The following DGKB variants were observed in gnomAD, a reference collection of about 807,000 sequenced individuals.
The protein encoded by DGKB is diacylglycerol kinase beta, also known as 90 kDa diacylglycerol kinase.
In DGKB, 67 loss-of-function variants were observed where a neutral mutation model predicts 114.3. The observed-to-expected ratio is 0.59, with a 90% CI of 0.48 to 0.72. The LOEUF is 0.72. Ranked by LOEUF, DGKB falls within the 30% of genes least tolerant of loss-of-function variation. The pLI, the probability that DGKB is intolerant of heterozygous loss-of-function variation, is 0.00. For synonymous variants in DGKB, 398 were observed against 323.1 expected (o/e 1.23, Z -2.49); for missense variants, 907 against 975.2 (o/e 0.93, Z 0.93).
Position 14,635,665 on chromosome 7 carries a change from A to G in DGKB, c.1135-5397T>C, listed in dbSNP as rs114539192. Among the ~76,000 whole-genome samples the G allele has an allele frequency of 3.6e-3, 541 of 151,786 alleles. 3 individuals carry two copies. The highest frequency in any genetic ancestry group is 0.012 in the African/African-American group (499 of 41,524). The stretch of plus-strand genomic sequence containing the variant: ...CTTAATTTACATATAATTCATTAAT[A>G]GATACCTATTTATGAATGTGTATAT... On this transcript the variant is annotated intron_variant, in intron 13 of 25. Transcript: ENST00000402815.
At chr7:14,237,609 A>AT (rs1792999273) in intron 23 of DGKB, among the ~76,000 whole-genome samples, 1 of 151,996 alleles carries the variant, frequency 6.6e-6, no homozygotes, top group Non-Finnish European at 1.5e-5. Flanking sequence ...ATTTTCATTC[A>AT]TATATAATTC....
intron 1 of DGKB, among the ~76,000 whole-genome samples, chr7:14,922,297 AC>A (rs1784542015): frequency 6.6e-6 from 1 of 151,914 alleles, no homozygotes; most frequent in African/African-American, 2.4e-5. Flanking sequence ...GGTGCCATGT[AC>A]GTCTATACTC....
At chr7:14,606,902 AT>A (rs1804624651) in intron 17 of DGKB, among the ~76,000 whole-genome samples, 1 of 152,062 alleles carries the variant, frequency 6.6e-6, no homozygotes, top group African/African-American at 2.4e-5. Flanking sequence ...TCATTAACCC[AT>A]TTATGCTGGA....
Position 14,319,319 on chromosome 7 carries a change from T to C in DGKB, c.2122+19196A>G, listed in dbSNP as rs543797192. ...AAAAAATATTGCAATAAATGGAATG[T>C]AGAAGCAGATATGAGAATCCAGCTG... On this transcript the variant is annotated intron_variant, in intron 23 of 25. Transcript: ENST00000402815. Among the ~76,000 whole-genome samples the C allele has an allele frequency of 3.9e-5, 6 of 152,088 alleles. No individual in the cohort carries two copies. The East Asian group carries it at 1.2e-3, about 29-fold the overall frequency.
At chr7:14,907,270 C>T (rs891737741), upstream of DGKB, among the ~76,000 whole-genome samples, 1 of 152,222 alleles carries the variant, frequency 6.6e-6, no homozygotes, top group Non-Finnish European at 1.5e-5. Context: ...CAAAATAGAT[C>T]ACCATCACTA....
At chr7:14,347,817 A>ATTAGC (rs1233442448) in intron 21 of DGKB, among the ~76,000 whole-genome samples, 1 of 152,074 alleles carries the variant, frequency 6.6e-6, no homozygotes, top group African/African-American at 2.4e-5. Flanking sequence ...TGGATATGTA[A>ATTAGC]TTAGCTTCAT....
At chr7:14,840,863 T>C (rs1346494550) in intron 2 of DGKB, among the ~76,000 whole-genome samples, 1 of 152,052 alleles carries the variant, frequency 6.6e-6, no homozygotes, top group African/African-American at 2.4e-5. Flanking sequence ...TTTGTCCTTC[T>C]CCCTGTCTGT....
At chr7:14,225,492 T>G (rs1391827052) in intron 23 of DGKB, among the ~76,000 whole-genome samples, 1 of 152,052 alleles carries the variant, frequency 6.6e-6, no homozygotes, top group Non-Finnish European at 1.5e-5. Flanking sequence ...AAGGAGTGGG[T>G]CCACAGAGCT....
chr7:14,381,312 G>A (rs570449010), intron 21 of DGKB, among the ~76,000 whole-genome samples: 1 of 152,262 alleles, frequency 6.6e-6, no homozygotes, highest in South Asian at 2.1e-4. Context: ...TTTGCTCCAG[G>A]TCCTGACAAT....
chr7:14,281,843 C>G lies in DGKB; in HGVS notation c.2122+56672G>C, dbSNP rs1396861017. ...ACAAAGACACAACATACCAGAATCT[C>G]TGGGACGCATTCAAAGCAGTGTGTA... is the stretch of plus-strand genomic sequence containing the variant. On this transcript the variant is annotated intron_variant, in intron 23 of 25. Coordinates refer to ENST00000402815, the MANE Select transcript of DGKB (RefSeq NM_001350709.2). Among the ~76,000 whole-genome samples, 554 of 146,622 alleles carry G rather than the reference C, an allele frequency of 3.8e-3. 5 individuals are homozygous for G. Among genetic ancestry groups the G allele is most frequent in the African/African-American group, 0.013 (507 of 39,808 alleles).
rs549717730 is a variant in DGKB, at chr7:14,148,865, T to TA, written c.*265dup. The TA allele has an allele frequency of 1.1e-5, 5 of 449,394 alleles. No individual in the cohort carries two copies. The South Asian group carries it at 1.4e-4, about 12-fold the overall frequency. 27.8% of individuals were successfully genotyped at this position (449,394 alleles called of 1,614,324 possible). ...TTGGGGAAGAGTTGGGTGGGAGATG[T>TA]AAAAATCTATGGGAATGCATGCACC... is the stretch of plus-strand genomic sequence containing the variant. On this transcript the variant is annotated 3_prime_UTR_variant, in exon 26 of 26. Coordinates refer to ENST00000402815, the MANE Select transcript of DGKB (RefSeq NM_001350709.2).
intron 23 of DGKB, among the ~76,000 whole-genome samples, chr7:14,185,659 C>G (rs562279926): frequency 1.3e-5 from 2 of 152,074 alleles, no homozygotes; most frequent in Non-Finnish European, 2.9e-5. Flanking sequence ...GGTACTGGTA[C>G]AAAAACAGGC....
At position 14,939,893 on chromosome 7, in the gene DGKB, G is replaced by A. The variant is rs369602253; in HGVS notation, c.-188+34803C>T. 1.5e-3 allele frequency among the ~76,000 whole-genome samples: 232 copies of A among 152,096 alleles called. 2 individuals are homozygous for A. Among genetic ancestry groups the A allele is most frequent in the Non-Finnish European group, 5.9e-4 (40 of 67,982 alleles). On this transcript the variant is annotated intron_variant, in intron 1 of 4. Transcript: ENST00000437998. ...CTCCCAAAGTGCTGGGATTACAGGCGTGAGCCACCACACCCAGCCAATTCA... is the reference window on the plus strand; with the variant it reads ...CTCCCAAAGTGCTGGGATTACAGGCATGAGCCACCACACCCAGCCAATTCA...
chr7:14,561,740 A>G (rs996500901), intron 20 of DGKB, among the ~76,000 whole-genome samples: 4 of 152,190 alleles, frequency 2.6e-5, no homozygotes, highest in African/African-American at 9.6e-5. Flanking sequence ...TATCTGAGGA[A>G]AGAAATTTCT....
Position 14,145,061 on chromosome 7 carries a change from G to A in DGKB, c.*4070C>T, listed in dbSNP as rs1781340022. On this transcript the variant is annotated 3_prime_UTR_variant, in exon 26 of 26. Transcript: ENST00000402815. ...AATGACACTGAACTGAGTGGTTAAC[G>A]TTTTTATTTCAAAAAACAGGATATT... The A allele has an allele frequency of 2.6e-5, 4 of 152,074 alleles. No homozygotes were observed. In the East Asian group the frequency reaches 7.7e-4, roughly 29 times the overall value. 9.4% of individuals were successfully genotyped at this position (152,074 alleles called of 1,614,324 possible).
At chr7:14,854,773 G>A (rs899313855) in intron 1 of DGKB, among the ~76,000 whole-genome samples, 12 of 152,118 alleles carry the variant, frequency 7.9e-5, no homozygotes, top group African/African-American at 2.9e-4. Flanking sequence ...TTGTTAGTAC[G>A]AGCTATGATT....
intron 17 of DGKB, among the ~76,000 whole-genome samples, chr7:14,592,972 T>C (rs1801951144): frequency 6.6e-6 from 1 of 152,028 alleles, no homozygotes; most frequent in Admixed American, 6.6e-5. Context: ...AAGCTGAATT[T>C]ACACTGTTTT....
At chr7:14,277,550 T>C (rs1799213148) in intron 23 of DGKB, among the ~76,000 whole-genome samples, 1 of 152,206 alleles carries the variant, frequency 6.6e-6, no homozygotes, top group Non-Finnish European at 1.5e-5. Context: ...TTATTTCACT[T>C]ATCATAATGT....
intron 20 of DGKB, 111 bp downstream of exon 20, chr7:14,574,101 A>T: frequency 2.4e-6 from 2 of 831,578 alleles, no homozygotes; most frequent in Middle Eastern, 3.2e-4. Context: ...TTTTGATGGC[A>T]CAAAAGGTAA....
Sources: allele counts gnomAD v4.1 joint callset (sites outside exome capture counted in the v4.1 genomes callset), GRCh38; gene constraint gnomAD v4.1.1; transcripts MANE v1.5; gene names NCBI Gene and HGNC (gene_info 2026-07-23, HGNC 2026-07-21).